Variants in PDGFRB observed in about 807,000 individuals in gnomAD.
PDGFRB encodes the protein platelet derived growth factor receptor beta.
Under a neutral mutation model 120.2 loss-of-function variants are expected in PDGFRB, and 42 were observed. That is an observed-to-expected ratio of 0.35 (90% CI 0.27 to 0.45). PDGFRB has a LOEUF of 0.45. PDGFRB is among the 20% of genes least tolerant of loss of function. The probability of loss-of-function intolerance (pLI) is 1.00; values close to 1 mark genes in which losing one functional copy is unlikely to be tolerated. For missense variants in PDGFRB, 1,149 were observed against 1,476.3 expected (o/e 0.78, Z 3.63); for synonymous variants, 586 against 606.8 (o/e 0.97, Z 0.50).
rs2113880213 is a variant in PDGFRB at position 150,115,864 on chromosome 5, G to A, written c.3220C>T (p.Pro1074Ser). 3.1e-6 allele frequency: 5 copies of A among 1,611,630 alleles called. No homozygotes were observed. Among genetic ancestry groups the A allele is most frequent in the Non-Finnish European group, 4.2e-6 (5 of 1,178,562 alleles). The change falls in exon 23 of 23, where the codon CCC becomes TCC. Residue 1074 changes from proline (P) to serine (S), a missense_variant. This residue lies in a region of PDGFRB where 202 missense variants were observed against 214.3 expected (regional missense o/e 0.94). Coordinates refer to ENST00000261799, the MANE Select transcript of PDGFRB (RefSeq NM_002609.4). ...GGCTCCACCTGGAGCTCAAGCTGGG[G>A]CTCTGGCTCTGGTTCGTCCTGGGGC... ...LEPQDEPEPE[P>S]QLELQVEPEP...
rs967633564 is a variant in PDGFRB at position 150,115,732 on chromosome 5, C to G, written c.*31G>C. 8 of 1,533,546 alleles carry G rather than the reference C, an allele frequency of 5.2e-6. No individual in the cohort carries two copies. Among genetic ancestry groups the G allele is most frequent in the South Asian group, 1.3e-5 (1 of 79,008 alleles). The allele number at this position is 1,533,546 out of a possible 1,614,324, so 95.0% of individuals were successfully genotyped here. The stretch of plus-strand genomic sequence containing the variant: ...ATGCTGGGTGCTGGCAGGGGGGGAG[C>G]TTCAGGCAGGGCAGGGTAGGGGCCA... On this transcript the variant is annotated 3_prime_UTR_variant, in exon 23 of 23. Coordinates refer to ENST00000261799, the MANE Select transcript of PDGFRB (RefSeq NM_002609.4).
rs758520535 is a variant in PDGFRB, at chr5:150,115,795, G to A, written c.3289C>T (p.Pro1097Ser). 1 of 1,611,576 alleles carries A rather than the reference G, an allele frequency of 6.2e-7. No homozygotes were observed. Among genetic ancestry groups the A allele is most frequent in the Non-Finnish European group, 8.5e-7 (1 of 1,179,010 alleles). ...AAGCTATCCTCTGCTTCCGCCCGAG[G>A]CGCAGGGCACCCCGAATCCGGCAAC... is the stretch of plus-strand genomic sequence containing the variant. ...EQLPDSGCPA[P>S]RAEAEDSFL The change falls in exon 23 of 23, where the codon CCT (proline) becomes TCT (serine). Residue 1097 changes from proline (P) to serine (S), a missense_variant. By Grantham distance (74) the Pro-to-Ser change is moderately conservative (BLOSUM62 -1). Coordinates refer to ENST00000261799, the MANE Select transcript of PDGFRB (RefSeq NM_002609.4).
intron 4 of PDGFRB, 177 bp from the exon 5 acceptor site, chr5:150,134,185 G>A (rs1427955939): frequency 1.1e-5 from 7 of 629,944 alleles, no homozygotes; most frequent in Non-Finnish European, 1.7e-5. Flanking sequence ...GGACACTGGA[G>A]CAACAGTAGT....
chr5:150,133,652 T>C lies in PDGFRB; in HGVS notation c.868A>G (p.Thr290Ala). ...TTCACACTCTCCGTCACATTGCAGG[T>C]GTAGGTCCCCGAGTCTTCTAACTCG... The part of the protein sequence containing the change: ...SAELEDSGTY[T>A]CNVTESVNDH... Residue 290 changes from threonine (T) to alanine (A), a missense_variant, in exon 6 of 23, where the codon ACC becomes GCC. Coordinates refer to ENST00000261799, the MANE Select transcript of PDGFRB (RefSeq NM_002609.4). 1 of 1,614,020 alleles carries C rather than the reference T, an allele frequency of 6.2e-7. No homozygotes were observed. The highest frequency in any genetic ancestry group is 8.5e-7 in the Non-Finnish European group (1 of 1,179,914).
Position 150,114,105 on chromosome 5 carries a change from T to C in PDGFRB, c.*1658A>G, listed in dbSNP as rs1759844839. 4.3e-6 allele frequency: 1 copy of C among 233,426 alleles called. No homozygotes were observed. Among genetic ancestry groups the C allele is most frequent in the African/African-American group, 2.2e-5 (1 of 45,336 alleles). 14.5% of individuals were successfully genotyped at this position (233,426 alleles called of 1,614,324 possible). ...GGTTGGTGCCCAGAGGGGTTGAGCT[T>C]CCTGCACCCCCTTCCCAACCCTCCC... On this transcript the variant is annotated 3_prime_UTR_variant, in exon 23 of 23. Transcript: ENST00000261799.
intron 15 of PDGFRB, among the ~76,000 whole-genome samples, chr5:150,122,714 C>A (rs1030610857): frequency 6.6e-6 from 1 of 152,190 alleles, no homozygotes; most frequent in Admixed American, 6.5e-5. Flanking sequence ...CAGCCTGGAG[C>A]ACCACTGTGC....
chr5:150,127,876 A>G (rs1197163346), intron 10 of PDGFRB, among the ~76,000 whole-genome samples: 1 of 143,364 alleles, frequency 7.0e-6, no homozygotes, highest in Non-Finnish European at 1.5e-5. Context: ...ATGCTTCCCC[A>G]TGTTATCAGT....
At chr5:150,116,900 G>A (rs906838799) in intron 22 of PDGFRB, among the ~76,000 whole-genome samples, 2 of 152,212 alleles carry the variant, frequency 1.3e-5, no homozygotes, top group Admixed American at 6.5e-5. Flanking sequence ...CCAGGTCTCA[G>A]CGGCTAGTGG....
rs181642748 is a variant in PDGFRB, at chr5:150,152,891, A to G, written c.-7+2506T>C. Among the ~76,000 whole-genome samples, 724 of 152,320 alleles carry G rather than the reference A, an allele frequency of 4.8e-3. 3 individuals carry two copies. The highest frequency in any genetic ancestry group is 4.1e-3 in the Non-Finnish European group (279 of 68,034). On this transcript the variant is annotated intron_variant, in intron 1 of 22. Coordinates refer to ENST00000261799, the MANE Select transcript of PDGFRB (RefSeq NM_002609.4). ...CCTTGCCAATGCTGTTGTCTCATGG[A>G]GCCCACACACGGTCCTGCTGCTCAC... is the stretch of plus-strand genomic sequence containing the variant.
Position 150,135,403 on chromosome 5 carries a change from C to T in PDGFRB, c.364+152G>A, listed in dbSNP as rs144397118. Reference sequence around the variant, plus strand: ...CCAGACCAAGGAGTGGGTGCGAACACACTCCCCGACTGAGCCAGGCTGGTT... The same window carrying T: ...CCAGACCAAGGAGTGGGTGCGAACATACTCCCCGACTGAGCCAGGCTGGTT... On this transcript the variant is annotated intron_variant, in intron 3 of 22. Coordinates refer to ENST00000261799, the MANE Select transcript of PDGFRB (RefSeq NM_002609.4). 17 of 659,504 alleles carry T rather than the reference C, an allele frequency of 2.6e-5. 1 individual carries two copies. The African/African-American group carries it at 2.9e-4, about 11-fold the overall frequency. The allele number at this position is 659,504 out of a possible 1,614,324, so 40.9% of individuals were successfully genotyped here. A position where few individuals can be genotyped will look rare whatever the true frequency, so the allele number is the denominator to read the frequency against.
intron 10 of PDGFRB, among the ~76,000 whole-genome samples, chr5:150,126,961 A>C (rs1408444080): frequency 6.6e-6 from 1 of 152,128 alleles, no homozygotes; most frequent in Admixed American, 6.5e-5. Flanking sequence ...TTAGCCCTGG[A>C]GCCCCTGAGG....
At chr5:150,154,267 G>A (rs997947870) in intron 1 of PDGFRB, among the ~76,000 whole-genome samples, 1 of 152,062 alleles carries the variant, frequency 6.6e-6, no homozygotes, top group Non-Finnish European at 1.5e-5. Context: ...AGGATGGTGC[G>A]CATTCCTTCT....
chr5:150,131,917 G>A (rs1234057465), intron 8 of PDGFRB, 62 bp downstream of exon 8: 2 of 882,074 alleles, frequency 2.3e-6, no homozygotes, highest in African/African-American at 3.3e-5. Context: ...GTGCAGGAAG[G>A]GAGAGGGAAC....
chr5:150,143,748 G>GGTGGAGGGGAGAAACTGGGGAA (rs1760842543), intron 1 of PDGFRB, among the ~76,000 whole-genome samples: 3 of 152,124 alleles, frequency 2.0e-5, no homozygotes, highest in Admixed American at 2.0e-4. Flanking sequence ...GACAGTTACA[G>GGTGGAGGGGAGAAACTGGGGAA]GTGGAGGGGA....
At chr5:150,128,734 T>G (rs1416071569) in intron 10 of PDGFRB, among the ~76,000 whole-genome samples, 1 of 152,210 alleles carries the variant, frequency 6.6e-6, no homozygotes, top group Non-Finnish European at 1.5e-5. Context: ...CTGAATCCCA[T>G]AGCTGGGCAT....
chr5:150,133,714 G>T lies in PDGFRB; in HGVS notation c.806C>A (p.Pro269His), dbSNP rs2113908653. The T allele has an allele frequency of 6.2e-7, 1 of 1,614,136 alleles. No individual in the cohort carries two copies. The highest frequency in any genetic ancestry group is 8.5e-7 in the Non-Finnish European group (1 of 1,179,988). Residue 269 changes from proline to histidine, a missense_variant, in exon 6 of 23, where the codon CCT (proline) becomes CAT (histidine). Physicochemically the swap from Pro to His is moderately conservative, Grantham distance 77. This residue lies in a region of PDGFRB where 879 missense variants were observed against 1,108.6 expected (regional missense o/e 0.79). Transcript: ENST00000261799. ...GTGCAGGATGGAGCGGATGTGGTAAGGCATATCCAAGAGGAAGTCAGTCAC... is the reference window on the plus strand; with the variant it reads ...GTGCAGGATGGAGCGGATGTGGTAATGCATATCCAAGAGGAAGTCAGTCAC... ...EPVTDFLLDM[P>H]YHIRSILHIP...
chr5:150,143,989 C>T (rs1760850611), intron 1 of PDGFRB, among the ~76,000 whole-genome samples: 1 of 152,210 alleles, frequency 6.6e-6, no homozygotes, highest in African/African-American at 2.4e-5. Context: ...CTTTATGTTT[C>T]TCCAGGTACC....
In PDGFRB at chr5:150,130,627, G is replaced by A. The variant is rs199873101; in HGVS notation, c.1279C>T (p.Pro427Ser). 9.5e-5 allele frequency: 154 copies of A among 1,612,744 alleles called. 1 individual carries two copies. In the Admixed American group the frequency reaches 1.4e-3, roughly 15 times the overall value. ...VRVLELSESH[P>S]DSGEQTVRCR... is the part of the protein sequence containing the mutation. ...CGGACTGTCTGTTCCCCACTGTCAG[G>A]GTGGCTCTCACTTAGCTCCAGCACT... The change falls in exon 9 of 23, where the codon CCT (proline) becomes TCT (serine). Residue 427 changes from proline to serine, a missense_variant. By Grantham distance (74) the Pro-to-Ser change is moderately conservative (BLOSUM62 -1). Coordinates refer to ENST00000261799, the MANE Select transcript of PDGFRB (RefSeq NM_002609.4).
At chr5:150,137,846 G>C (rs1341212462) in intron 1 of PDGFRB, among the ~76,000 whole-genome samples, 1 of 152,218 alleles carries the variant, frequency 6.6e-6, no homozygotes, top group Non-Finnish European at 1.5e-5. Context: ...TGTCTGAGAG[G>C]GAGACAGAGA....
Sources: gnomAD v4.1 joint callset for allele counts (sites outside exome capture counted in the v4.1 genomes callset) on GRCh38, gnomAD v4.1.1 for gene constraint, gnomAD v4.1.1 regional missense constraint, MANE v1.5 for transcripts, NCBI Gene and HGNC (gene_info 2026-07-23, HGNC 2026-07-21) for gene names.